Variants in DNAH14 observed in about 807,000 individuals in gnomAD.
The protein encoded by DNAH14 is axonemal beta dynein heavy chain 14.
In DNAH14, 478 loss-of-function variants were observed where a neutral mutation model predicts 520.9. The ratio of observed to expected loss-of-function variants is 0.92; its 90% CI spans 0.85 to 0.99. The LOEUF is 0.99. Ranked by LOEUF, DNAH14 falls within the 50% of genes least tolerant of loss-of-function variation. The pLI is 0.00. For synonymous variants in DNAH14, 1,581 were observed against 1,757.2 expected (o/e 0.90, Z 2.51); for missense variants, 4,831 against 5,234.5 (o/e 0.92, Z 2.38).
At chr1:225,354,227 G>A (rs2095405584) in intron 73 of DNAH14, 1 of 701,812 alleles carries the variant, frequency 1.4e-6, no homozygotes, top group Admixed American at 2.0e-5. Context: ...AACAGACCTT[G>A]GTCCTGTAGG....
At chr1:224,969,644 AC>A in intron 7 of DNAH14, 1 of 270,104 alleles carries the variant, frequency 3.7e-6, no homozygotes. Context: ...GAAGTCAGGG[AC>A]CCCGAACGGA....
intron 55 of DNAH14, among the ~76,000 whole-genome samples, chr1:225,291,843 T>C (rs1005228777): frequency 6.6e-6 from 1 of 152,168 alleles, no homozygotes; most frequent in Non-Finnish European, 1.5e-5. Context: ...GAGCATTTAT[T>C]CATTTTTTTG....
chr1:225,299,050 T>C (rs554078883), intron 55 of DNAH14, among the ~76,000 whole-genome samples: 2 of 152,314 alleles, frequency 1.3e-5, no homozygotes, highest in Non-Finnish European at 2.9e-5. Flanking sequence ...ATTGACACTC[T>C]AGTCAAATCT....
At chr1:225,214,896 T>TACA (rs2089061212) in intron 41 of DNAH14, among the ~76,000 whole-genome samples, 1 of 152,204 alleles carries the variant, frequency 6.6e-6, no homozygotes, top group African/African-American at 2.4e-5. Flanking sequence ...GTTTTTTGTG[T>TACA]CTCTATCTCC....
Position 225,050,315 on chromosome 1 carries a change from A to G in DNAH14, c.2018A>G (p.Glu673Gly). 6.5e-7 allele frequency: 1 copy of G among 1,549,274 alleles called. No homozygotes were observed. Among genetic ancestry groups the G allele is most frequent in the African/African-American group, 1.4e-5 (1 of 73,104 alleles). Reference protein sequence around the residue: ...NKTGSIIHYKEQTRWPDCHIL... With the variant: ...NKTGSIIHYKGQTRWPDCHIL... ...ACAGGAAGCATAATACATTATAAAG[A>G]GCAGACCAGATGGCCAGATTGTCAC... Residue 673 changes from glutamate (E) to glycine (G), a missense_variant, in exon 16 of 86, where the codon GAG (glutamate) becomes GGG (glycine). By Grantham distance (98) the Glu-to-Gly change is moderately conservative (BLOSUM62 -2). Coordinates refer to ENST00000682510, the MANE Select transcript of DNAH14 (RefSeq NM_001367479.1).
intron 58 of DNAH14, among the ~76,000 whole-genome samples, chr1:225,306,775 A>G (rs1184221431): frequency 1.3e-5 from 2 of 152,074 alleles, no homozygotes; most frequent in African/African-American, 4.8e-5. Context: ...CTTAAGAGCT[A>G]TCACCTTATA....
chr1:225,327,048 C>T (rs149394898), intron 64 of DNAH14, among the ~76,000 whole-genome samples: 27 of 152,274 alleles, frequency 1.8e-4, no homozygotes, highest in African/African-American at 6.5e-4. Flanking sequence ...GAGATATTCT[C>T]CAGGGTAGAC....
intron 81 of DNAH14, among the ~76,000 whole-genome samples, chr1:225,382,139 G>C (rs1325959233): frequency 6.6e-6 from 1 of 152,156 alleles, no homozygotes; most frequent in African/African-American, 2.4e-5. Flanking sequence ...GAAAACCTGT[G>C]TAGACATGTG....
intron 21 of DNAH14, among the ~76,000 whole-genome samples, chr1:225,092,468 A>G (rs2074483435): frequency 6.6e-6 from 1 of 152,068 alleles, no homozygotes; most frequent in Admixed American, 6.6e-5. Context: ...AAATCAAGAA[A>G]TTCTTTGAAA....
chr1:225,123,995 T>G (rs868014017), intron 27 of DNAH14, among the ~76,000 whole-genome samples: 1 of 151,920 alleles, frequency 6.6e-6, no homozygotes, highest in Non-Finnish European at 1.5e-5. Flanking sequence ...TCAGGTGATC[T>G]GCCCACCTCA....
intron 74 of DNAH14, 40 bp from the exon 75 acceptor site, chr1:225,360,641 G>A: frequency 6.7e-7 from 1 of 1,485,052 alleles, no homozygotes; most frequent in South Asian, 1.2e-5. Flanking sequence ...GGAATTAAAT[G>A]AGCTTACAGT....
intron 79 of DNAH14, 66 bp downstream of exon 79, chr1:225,377,502 G>A (rs1373043267): frequency 1.4e-6 from 2 of 1,462,138 alleles, no homozygotes; most frequent in Non-Finnish European, 1.8e-6. Flanking sequence ...GCTCATGCCT[G>A]TAATCCCAGC....
rs555382599 is a variant in DNAH14, at chr1:225,073,985, T to C, written c.2425-5222T>C. 2.3e-3 allele frequency among the ~76,000 whole-genome samples: 334 copies of C among 147,634 alleles called. 2 individuals are homozygous for C. The highest frequency in any genetic ancestry group is 3.9e-3 in the Non-Finnish European group (259 of 67,106). On this transcript the variant is annotated intron_variant, in intron 17 of 85. Transcript: ENST00000682510. ...CATGAGCCACCGCACTCAGCTGTTT[T>C]AGGAAGTTTTTTTTTTTTTTTTTTT...
chr1:225,068,899 G>A (rs796774883), intron 17 of DNAH14, among the ~76,000 whole-genome samples: 30 of 1,236 alleles, frequency 0.024, 14 homozygotes, highest in African/African-American at 0.1. Context: ...CGGCTAAAAC[G>A]GTGAAACCCT....
chr1:225,124,688 A>T (rs1039465422), intron 27 of DNAH14, among the ~76,000 whole-genome samples: 1 of 152,188 alleles, frequency 6.6e-6, no homozygotes, highest in Admixed American at 6.5e-5. Flanking sequence ...GTCGTCCATG[A>T]GAGTTGAAAT....
rs2084563825 is a variant in DNAH14 at position 225,185,364 on chromosome 1, C to G, written c.5609C>G (p.Ala1870Gly). 1.9e-6 allele frequency: 3 copies of G among 1,547,548 alleles called. No individual in the cohort carries two copies. The highest frequency in any genetic ancestry group is 2.6e-6 in the Non-Finnish European group (3 of 1,145,410). ...ACAGTCAGAAGAATTTTGGAAAAAG[C>G]ATTAACGCTATTACCAATTGCAGAC... ...KTTVRRILEKALTLLPIADFL... is the reference protein window; with the variant it reads ...KTTVRRILEKGLTLLPIADFL... The change falls in exon 37 of 86, where the codon GCA becomes GGA. Residue 1870 changes from alanine to glycine, a missense_variant. Physicochemically the swap from Ala to Gly is moderately conservative, Grantham distance 60 (BLOSUM62 0). Coordinates refer to ENST00000682510, the MANE Select transcript of DNAH14 (RefSeq NM_001367479.1).
Position 225,396,787 on chromosome 1 carries a change from T to C in DNAH14, c.13492-1733T>C, listed in dbSNP as rs944043206. On this transcript the variant is annotated intron_variant, in intron 84 of 85. Transcript: ENST00000682510. ...CACTCCAAAAGGGGCTGTTTACAAA[T>C]TACCTACAGTTTAGATTTTTCAGAG... The C allele has an allele frequency of 7.2e-5, 11 of 152,148 alleles. No individual in the cohort carries two copies. The South Asian group carries it at 8.3e-4, about 11-fold the overall frequency. 9.4% of individuals were successfully genotyped at this position (152,148 alleles called of 1,614,324 possible).
At chr1:225,150,854 G>A (rs1004778062) in intron 31 of DNAH14, among the ~76,000 whole-genome samples, 3 of 152,152 alleles carry the variant, frequency 2.0e-5, no homozygotes, top group South Asian at 4.1e-4. Context: ...TGGTATTACA[G>A]GTGGTGCCAC....
chr1:225,230,415 A>G (rs2090986270), intron 41 of DNAH14, among the ~76,000 whole-genome samples: 1 of 152,152 alleles, frequency 6.6e-6, no homozygotes, highest in Non-Finnish European at 1.5e-5. Flanking sequence ...GCATCAACAT[A>G]TTACTAGTTG....
Sources: gnomAD v4.1 joint callset for allele counts (sites outside exome capture counted in the v4.1 genomes callset) on GRCh38, gnomAD v4.1.1 for gene constraint, MANE v1.5 for transcripts, NCBI Gene and HGNC (gene_info 2026-07-23, HGNC 2026-07-21) for gene names.